CPPED1: variants seen among roughly 807,000 people sequenced by gnomAD.
The protein encoded by CPPED1 is calcineurin like phosphoesterase domain containing 1, also known as serine/threonine-protein phosphatase CPPED1.
Under a neutral mutation model 28.0 loss-of-function variants are expected in CPPED1, and 28 were observed. The ratio of observed to expected loss-of-function variants is 1.00; its 90% CI spans 0.74 to 1.37. The LOEUF (loss-of-function observed/expected upper bound fraction) is 1.37, where lower values mean the gene tolerates loss of function less well. CPPED1 is among the 40% of genes most tolerant of loss of function. The pLI is 0.00. For missense variants in CPPED1, 504 were observed against 416.5 expected, an observed-to-expected ratio of 1.21 and a Z score of -1.83; for synonymous variants, 198 against 180.2, an observed-to-expected ratio of 1.10 and a Z score of -0.79.
In CPPED1 at chr16:12,784,515, T is replaced by TAGACAACAAG. The variant is rs550519957; in HGVS notation, c.71-3122_71-3113dup. Among the ~76,000 whole-genome samples, 115 of 150,322 alleles carry TAGACAACAAG rather than the reference T, an allele frequency of 7.7e-4. 2 individuals carry two copies. The Middle Eastern group carries it at 0.014, about 18-fold the overall frequency. On this transcript the variant is annotated intron_variant, in intron 1 of 3. Transcript: ENST00000381774. ...GCATTAGGGATAAATGGTCAAGAAGTAGACAACAAGATTTCCTGAAGATCT... is the reference window on the plus strand; with the variant it reads ...GCATTAGGGATAAATGGTCAAGAAGTAGACAACAAGAGACAACAAGATTTCCTGAAGATCT...
At chr16:12,686,452 G>A (rs1436717769) in intron 3 of CPPED1, among the ~76,000 whole-genome samples, 3 of 152,180 alleles carry the variant, frequency 2.0e-5, no homozygotes, top group African/African-American at 7.2e-5. Flanking sequence ...CCAAGAGGCC[G>A]CAGAGGGTTT....
rs879317465 is a variant in CPPED1, at chr16:12,764,480, G to C, written c.289+16705C>G. On this transcript the variant is annotated intron_variant, in intron 2 of 3. Coordinates refer to ENST00000381774, the MANE Select transcript of CPPED1 (RefSeq NM_018340.3). ...GGCCTCTCAAAGTGCTGAGATTACA[G>C]GCGTGAGCCACCACACCTGGCCAAA... Among the ~76,000 whole-genome samples the C allele has an allele frequency of 2.0e-5, 3 of 152,132 alleles. No homozygotes were observed. In the East Asian group the frequency reaches 5.8e-4, roughly 29 times the overall value.
intron 2 of CPPED1, among the ~76,000 whole-genome samples, chr16:12,755,670 T>C (rs1410349579): frequency 1.3e-5 from 2 of 152,206 alleles, no homozygotes; most frequent in Non-Finnish European, 2.9e-5. Flanking sequence ...CTAATACGCA[T>C]ACAATAAAGT....
intron 2 of CPPED1, among the ~76,000 whole-genome samples, chr16:12,730,089 T>C (rs2080189544): frequency 6.6e-6 from 1 of 152,124 alleles, no homozygotes; most frequent in Non-Finnish European, 1.5e-5. Flanking sequence ...TTCAAACTCT[T>C]GGCCTGAAGC....
intron 1 of CPPED1, among the ~76,000 whole-genome samples, chr16:12,799,047 C>A (rs534436301): frequency 6.6e-6 from 1 of 152,042 alleles, no homozygotes. Context: ...CGTAAATCAC[C>A]GGTGGGAGGA....
intron 2 of CPPED1, among the ~76,000 whole-genome samples, chr16:12,716,591 C>T (rs1240324148): frequency 1.3e-5 from 2 of 152,160 alleles, no homozygotes; most frequent in Non-Finnish European, 2.9e-5. Flanking sequence ...AACTTCAGTC[C>T]TATTTGGGAT....
chr16:12,747,734 G>C (rs922418589), intron 2 of CPPED1, among the ~76,000 whole-genome samples: 2 of 152,094 alleles, frequency 1.3e-5, no homozygotes, highest in African/African-American at 4.8e-5. Flanking sequence ...AGGAAACTTT[G>C]GGCGTGACAC....
intron 3 of CPPED1, among the ~76,000 whole-genome samples, chr16:12,700,049 C>T (rs1359640279): frequency 2.0e-5 from 3 of 152,204 alleles, no homozygotes; most frequent in African/African-American, 7.2e-5. Flanking sequence ...AGAGCCTCCA[C>T]ATCCGACTCA....
chr16:12,749,004 C>CT (rs1016660768), intron 2 of CPPED1, among the ~76,000 whole-genome samples: 1 of 151,722 alleles, frequency 6.6e-6, no homozygotes, highest in Non-Finnish European at 1.5e-5. Context: ...GAATCACAAT[C>CT]TTTTTGCTAG....
chr16:12,796,421 G>A (rs943375776), intron 1 of CPPED1, among the ~76,000 whole-genome samples: 2 of 151,888 alleles, frequency 1.3e-5, no homozygotes, highest in African/African-American at 4.8e-5. Flanking sequence ...CTTGAATCCA[G>A]GAGGCAAAGC....
At chr16:12,710,355 ATGT>A (rs2080073682) in intron 2 of CPPED1, among the ~76,000 whole-genome samples, 1 of 151,406 alleles carries the variant, frequency 6.6e-6, no homozygotes, top group Non-Finnish European at 1.5e-5. Context: ...GAGGCTGGTC[ATGT>A]TGTTTACTGT....
At chr16:12,755,261 A>C (rs2080357815) in intron 2 of CPPED1, among the ~76,000 whole-genome samples, 1 of 150,104 alleles carries the variant, frequency 6.7e-6, no homozygotes. Flanking sequence ...TAACCTTCTC[A>C]CAAGCATACA....
At chr16:12,768,374 C>T (rs1210680069) in intron 2 of CPPED1, among the ~76,000 whole-genome samples, 2 of 152,140 alleles carry the variant, frequency 1.3e-5, no homozygotes, top group Non-Finnish European at 1.5e-5. Flanking sequence ...TTATTTTTAA[C>T]CTAATCAAAA....
intron 2 of CPPED1, among the ~76,000 whole-genome samples, chr16:12,720,792 T>C (rs933910809): frequency 2.6e-5 from 4 of 152,250 alleles, no homozygotes; most frequent in African/African-American, 7.2e-5. Context: ...CTGTTTTATT[T>C]TATACAAATT....
chr16:12,790,418 T>C (rs2080589168), intron 1 of CPPED1, among the ~76,000 whole-genome samples: 2 of 152,204 alleles, frequency 1.3e-5, no homozygotes, highest in African/African-American at 2.4e-5. Context: ...TGACTAACTA[T>C]AATGAAGGTG....
chr16:12,733,405 G>C (rs1163009607), intron 2 of CPPED1, among the ~76,000 whole-genome samples: 1 of 151,748 alleles, frequency 6.6e-6, no homozygotes, highest in African/African-American at 2.4e-5. Context: ...CTCCTGAGTA[G>C]TTAGGATTAC....
At chr16:12,779,452 G>T (rs540100117) in intron 2 of CPPED1, among the ~76,000 whole-genome samples, 5 of 151,522 alleles carry the variant, frequency 3.3e-5, no homozygotes, top group Non-Finnish European at 7.4e-5. Flanking sequence ...GCAGTGGCGC[G>T]ATCTCAGCTC....
At chr16:12,671,036 A>C (rs1010033987) in intron 3 of CPPED1, among the ~76,000 whole-genome samples, 7 of 151,848 alleles carry the variant, frequency 4.6e-5, no homozygotes, top group Non-Finnish European at 7.4e-5. Context: ...TTTTTAGTAG[A>C]GATTGGGTTT....
chr16:12,705,956 G>C (rs2080047973), intron 2 of CPPED1, among the ~76,000 whole-genome samples: 1 of 152,152 alleles, frequency 6.6e-6, no homozygotes, highest in African/African-American at 2.4e-5. Flanking sequence ...TGGTTAAGTT[G>C]TCGCTGTAAC....
Sources: allele counts gnomAD v4.1 joint callset (sites outside exome capture counted in the v4.1 genomes callset), GRCh38; gene constraint gnomAD v4.1.1; transcripts MANE v1.5; gene names NCBI Gene and HGNC (gene_info 2026-07-23, HGNC 2026-07-21).